The following CDH4 variants were observed in gnomAD, a reference collection of about 807,000 sequenced individuals.
CDH4 encodes the protein cadherin 4.
CDH4 carries 33 observed loss-of-function variants against 86.0 expected under a neutral mutation model. That is an observed-to-expected ratio of 0.38 (90% CI 0.29 to 0.51). The LOEUF (loss-of-function observed/expected upper bound fraction) is 0.51, where lower values mean the gene tolerates loss of function less well. CDH4 is among the 20% of genes least tolerant of loss of function. The probability of loss-of-function intolerance (pLI) is 0.86; values close to 1 mark genes in which losing one functional copy is unlikely to be tolerated. For synonymous variants in CDH4, 555 were observed against 549.4 expected (o/e 1.01, Z -0.14); for missense variants, 1,114 against 1,307.4 (o/e 0.85, Z 2.28).
intron 4 of CDH4, among the ~76,000 whole-genome samples, chr20:61,818,255 G>A (rs932551161): frequency 6.6e-6 from 1 of 152,206 alleles, no homozygotes; most frequent in Admixed American, 6.5e-5. Flanking sequence ...GCTTGGCTTC[G>A]AGGCTGCATG....
intron 11 of CDH4, 138 bp from the exon 12 acceptor site, chr20:61,928,052 C>A: frequency 2.7e-6 from 2 of 742,628 alleles, no homozygotes; most frequent in Non-Finnish European, 4.7e-6. Context: ...GATGGCCGGC[C>A]GTGTCCGGCT....
intron 7 of CDH4, among the ~76,000 whole-genome samples, chr20:61,884,898 G>A (rs544133258): frequency 7.2e-5 from 11 of 152,254 alleles, no homozygotes; most frequent in Middle Eastern, 3.4e-3. Context: ...TTGGGACACC[G>A]GCTGGAGCCC....
intron 2 of CDH4, among the ~76,000 whole-genome samples, chr20:61,413,025 T>A (rs1041234296): frequency 3.9e-5 from 6 of 152,034 alleles, no homozygotes; most frequent in African/African-American, 1.4e-4. Context: ...CCCAAGCCAC[T>A]CCTCCTTTCC....
chr20:61,414,438 A>G (rs1421811847), intron 2 of CDH4, among the ~76,000 whole-genome samples: 1 of 152,172 alleles, frequency 6.6e-6, no homozygotes, highest in Non-Finnish European at 1.5e-5. Flanking sequence ...AGTCAGGGAG[A>G]GCCCTGCGTG....
intron 2 of CDH4, among the ~76,000 whole-genome samples, chr20:61,589,247 A>G (rs1251075034): frequency 6.6e-6 from 1 of 152,190 alleles, no homozygotes; most frequent in Non-Finnish European, 1.5e-5. Context: ...CATAAACAAG[A>G]CTCAAAGCAT....
intron 2 of CDH4, among the ~76,000 whole-genome samples, chr20:61,281,460 C>T (rs943002978): frequency 2.6e-5 from 4 of 152,214 alleles, no homozygotes; most frequent in Admixed American, 1.3e-4. Flanking sequence ...GGCGCCTTGA[C>T]CTTGGACTGC....
intron 2 of CDH4, among the ~76,000 whole-genome samples, chr20:61,533,935 T>G (rs529844933): frequency 1.3e-5 from 2 of 152,306 alleles, no homozygotes; most frequent in South Asian, 4.1e-4. Context: ...CGAACTGTAG[T>G]TGGGAGGTGC....
At chr20:61,568,480 T>C (rs2086316897) in intron 2 of CDH4, among the ~76,000 whole-genome samples, 1 of 152,216 alleles carries the variant, frequency 6.6e-6, no homozygotes, top group African/African-American at 2.4e-5. Flanking sequence ...ACCTCTTTCC[T>C]TTATAAATTA....
At chr20:61,433,028 G>A (rs1461272354) in intron 2 of CDH4, among the ~76,000 whole-genome samples, 2 of 151,648 alleles carry the variant, frequency 1.3e-5, no homozygotes, top group African/African-American at 4.8e-5. Context: ...CAGTAGAGAT[G>A]GGGTTTTACC....
chr20:61,846,911 G>C (rs901745944), intron 5 of CDH4, among the ~76,000 whole-genome samples: 2 of 151,962 alleles, frequency 1.3e-5, no homozygotes, highest in African/African-American at 4.8e-5. Flanking sequence ...TGGCATCGCA[G>C]ATGCAGCCTG....
At chr20:61,296,913 C>T (rs2084358240) in intron 2 of CDH4, among the ~76,000 whole-genome samples, 1 of 152,032 alleles carries the variant, frequency 6.6e-6, no homozygotes, top group Non-Finnish European at 1.5e-5. Flanking sequence ...GCCTTTAAGT[C>T]TCTTCATAGT....
intron 2 of CDH4, among the ~76,000 whole-genome samples, chr20:61,412,776 C>G (rs900797897): frequency 6.6e-6 from 1 of 152,132 alleles, no homozygotes; most frequent in Non-Finnish European, 1.5e-5. Context: ...GTTTTTCCTT[C>G]GAACCAGTCC....
chr20:61,884,567 T>C (rs953793940), intron 7 of CDH4, among the ~76,000 whole-genome samples: 3 of 151,698 alleles, frequency 2.0e-5, no homozygotes, highest in Non-Finnish European at 4.4e-5. Flanking sequence ...GGTGACAGCC[T>C]GGGGGCACCC....
intron 1 of CDH4, among the ~76,000 whole-genome samples, chr20:61,254,133 C>T (rs370691491): frequency 3.5e-4 from 53 of 152,318 alleles, no homozygotes; most frequent in African/African-American, 4.8e-4. Context: ...AGGAGGAGAC[C>T]CCCTTTCCGG....
In CDH4 at chr20:61,565,086, G is replaced by GTGGTGGTGGTGGTGGTGGTGGTGC. The variant is rs1195428186; in HGVS notation, c.170-178475_170-178474insGTGGTGGTGGTGGTGGTGGTGCTG. On this transcript the variant is annotated intron_variant, in intron 2 of 15. Coordinates refer to ENST00000614565, the MANE Select transcript of CDH4 (RefSeq NM_001794.5). ...CTTGGTGGTGGTGGTGGTGGTGGTG[G>GTGGTGGTGGTGGTGGTGGTGGTGC]TGCTCTTGGTGGTGCTCTTGGTGGT... is the stretch of plus-strand genomic sequence containing the variant. 3.6e-4 allele frequency among the ~76,000 whole-genome samples: 39 copies of GTGGTGGTGGTGGTGGTGGTGGTGC among 108,660 alleles called. 1 individual carries two copies. The East Asian group carries it at 9.4e-3, about 26-fold the overall frequency. 71.3% of individuals were successfully genotyped at this position (108,660 alleles called of 152,430 possible).
intron 2 of CDH4, chr20:61,600,134 C>T (rs1315933651): frequency 1.4e-5 from 3 of 210,804 alleles, no homozygotes; most frequent in Non-Finnish European, 1.6e-5. Context: ...AATGGGGAAG[C>T]CGTGAGAAAG....
At chr20:61,633,215 C>CTTCATTCA (rs1211484054) in intron 2 of CDH4, among the ~76,000 whole-genome samples, 2 of 150,890 alleles carry the variant, frequency 1.3e-5, no homozygotes, top group Non-Finnish European at 1.5e-5. Flanking sequence ...CCTTCCATCT[C>CTTCATTCA]TTCATTCATT....
chr20:61,766,324 C>T (rs1600965061), intron 3 of CDH4, among the ~76,000 whole-genome samples: 2 of 152,022 alleles, frequency 1.3e-5, no homozygotes, highest in South Asian at 4.1e-4. Context: ...AGTTCGCCTG[C>T]CCCCCAGCCC....
At chr20:61,704,267 T>C (rs1184792024) in intron 2 of CDH4, among the ~76,000 whole-genome samples, 3 of 151,952 alleles carry the variant, frequency 2.0e-5, no homozygotes. Flanking sequence ...CCCAGCTCCT[T>C]CCCAAGCAGA....
Sources: gnomAD v4.1 joint callset for allele counts (sites outside exome capture counted in the v4.1 genomes callset) on GRCh38, gnomAD v4.1.1 for gene constraint, MANE v1.5 for transcripts, NCBI Gene and HGNC (gene_info 2026-07-23, HGNC 2026-07-21) for gene names.